TENM2: variants seen among roughly 807,000 people sequenced by gnomAD.
TENM2 encodes teneurin transmembrane protein 2.
In TENM2, 52 loss-of-function variants were observed where a neutral mutation model predicts 245.2. The observed-to-expected ratio is 0.21, with a 90% CI of 0.17 to 0.27. The LOEUF is 0.27. Among genes scored for constraint, TENM2 ranks in the 10% least tolerant of loss-of-function variants. The probability of loss-of-function intolerance (pLI) is 1.00; values close to 1 mark genes in which losing one functional copy is unlikely to be tolerated. For missense variants in TENM2, 3,046 were observed against 3,666.8 expected (o/e 0.83, Z 4.37); for synonymous variants, 1,363 against 1,438.9 (o/e 0.95, Z 1.19).
chr5:168,192,121 A>T lies in TENM2; in HGVS notation c.2780+1574A>T, dbSNP rs545138382. Among the ~76,000 whole-genome samples the T allele has an allele frequency of 3.3e-5, 5 of 152,348 alleles. No individual in the cohort carries two copies. In the South Asian group the frequency reaches 6.2e-4, roughly 19 times the overall value. On this transcript the variant is annotated intron_variant, in intron 14 of 28. Transcript: ENST00000518659. The stretch of plus-strand genomic sequence containing the variant: ...CCTCATTTTCTTGATTAATAAAATT[A>T]GGATAACACTATTTAAATACGTAAA...
At chr5:167,264,262 A>C in the TENM2 span, among the ~76,000 whole-genome samples, 1 of 152,152 alleles carries the variant, frequency 6.6e-6, no homozygotes, top group African/African-American at 2.4e-5. Context: ...AGGAATCAAA[A>C]GACTGGTATT....
intron 2 of TENM2, among the ~76,000 whole-genome samples, chr5:167,797,424 A>G (rs1436920764): frequency 6.6e-6 from 1 of 152,162 alleles, no homozygotes; most frequent in African/African-American, 2.4e-5. Flanking sequence ...CATTTAGGGA[A>G]CTTCTTGTTT....
the TENM2 span, among the ~76,000 whole-genome samples, chr5:167,193,550 T>G: frequency 6.6e-6 from 1 of 151,982 alleles, no homozygotes; most frequent in African/African-American, 2.4e-5. Flanking sequence ...GCTTCTCTAT[T>G]TTTTACATAA....
At chr5:168,040,572 A>C in intron 5 of TENM2, among the ~76,000 whole-genome samples, 1 of 152,204 alleles carries the variant, frequency 6.6e-6, no homozygotes, top group East Asian at 1.9e-4. Flanking sequence ...AATAGGAGAA[A>C]TCACTTCACC....
chr5:167,753,987 G>A (rs1582917941), intron 2 of TENM2, among the ~76,000 whole-genome samples: 1 of 152,048 alleles, frequency 6.6e-6, no homozygotes, highest in East Asian at 1.9e-4. Context: ...ACAGTATATG[G>A]AGTTGGGATG....
Position 168,062,337 on chromosome 5 carries a change from C to T in TENM2, c.1515+72C>T, listed in dbSNP as rs987627726. The T allele has an allele frequency of 5.2e-6, 6 of 1,160,824 alleles. No homozygotes were observed. The Admixed American group carries it at 1.2e-4, about 23-fold the overall frequency. The allele number at this position is 1,160,824 out of a possible 1,614,324, so 71.9% of individuals were successfully genotyped here. The stretch of plus-strand genomic sequence containing the variant: ...TATATATGTGTGTGTGTATATATGC[C>T]ACTTCACATCCACTACAATGCCTAT... On this transcript the variant is annotated intron_variant, in intron 7 of 28. Coordinates refer to ENST00000518659, the Ensembl canonical transcript of TENM2.
chr5:167,654,284 T>C (rs1293589752), intron 2 of TENM2, among the ~76,000 whole-genome samples: 1 of 152,100 alleles, frequency 6.6e-6, no homozygotes, highest in Non-Finnish European at 1.5e-5. Flanking sequence ...TCTTTAAAGC[T>C]CTTCATTGGC....
intron 2 of TENM2, among the ~76,000 whole-genome samples, chr5:167,560,180 T>A (rs568848545): frequency 1.4e-4 from 22 of 152,288 alleles, no homozygotes; most frequent in African/African-American, 5.3e-4. Context: ...CCAGTCCACA[T>A]CTACTGAATC....
chr5:167,450,143 C>T (rs1370824772), intron 2 of TENM2, among the ~76,000 whole-genome samples: 1 of 151,252 alleles, frequency 6.6e-6, no homozygotes, highest in East Asian at 2.0e-4. Flanking sequence ...TAAATATTAT[C>T]TCTCTTCTTT....
intron 5 of TENM2, among the ~76,000 whole-genome samples, chr5:168,004,388 G>A (rs985373019): frequency 1.2e-4 from 18 of 152,166 alleles, no homozygotes; most frequent in African/African-American, 4.3e-4. Flanking sequence ...GTGGAACAGG[G>A]TCTGGTCTAG....
the TENM2 span, among the ~76,000 whole-genome samples, chr5:167,095,872 G>C: frequency 6.6e-6 from 1 of 150,848 alleles, no homozygotes; most frequent in South Asian, 2.1e-4. Flanking sequence ...CTGGGTTCAA[G>C]TGATTCTCCT....
At chr5:168,089,864 A>G (rs1792772332) in intron 7 of TENM2, among the ~76,000 whole-genome samples, 3 of 152,188 alleles carry the variant, frequency 2.0e-5, no homozygotes, top group Admixed American at 6.6e-5. Context: ...GGCACTGTCT[A>G]AATATTATCT....
chr5:168,007,134 T>G (rs1233895455), intron 5 of TENM2, among the ~76,000 whole-genome samples: 1 of 149,636 alleles, frequency 6.7e-6, no homozygotes, highest in East Asian at 1.9e-4. Flanking sequence ...TTTTCTTTCT[T>G]TTTTTTTTTT....
At chr5:167,092,135 A>G in the TENM2 span, among the ~76,000 whole-genome samples, 1 of 152,180 alleles carries the variant, frequency 6.6e-6, no homozygotes, top group African/African-American at 2.4e-5. Flanking sequence ...TGTGTGGTCC[A>G]TGAGCTAAGG....
the TENM2 span, among the ~76,000 whole-genome samples, chr5:167,248,335 C>T: frequency 2.6e-5 from 4 of 152,066 alleles, no homozygotes; most frequent in Admixed American, 6.6e-5. Flanking sequence ...TGTGAGTGTG[C>T]GTTGTGCTGA....
chr5:167,368,273 A>G lies in TENM2; in HGVS notation c.227-6925A>G, dbSNP rs137880720. Among the ~76,000 whole-genome samples the G allele has an allele frequency of 3.6e-3, 541 of 152,290 alleles. 3 individuals are homozygous for G. Among genetic ancestry groups the G allele is most frequent in the Non-Finnish European group, 6.1e-3 (418 of 68,010 alleles). On this transcript the variant is annotated intron_variant, in intron 1 of 28. Coordinates refer to ENST00000518659, the Ensembl canonical transcript of TENM2. Reference sequence around the variant, plus strand: ...CAGTTTAAATTTAATATTATTCACTATTTGAATGATGCATATTTTTTTTCA... The same window carrying G: ...CAGTTTAAATTTAATATTATTCACTGTTTGAATGATGCATATTTTTTTTCA...
chr5:167,201,573 A>G, the TENM2 span, among the ~76,000 whole-genome samples: 1 of 152,182 alleles, frequency 6.6e-6, no homozygotes, highest in Non-Finnish European at 1.5e-5. Context: ...TGTAATGGGT[A>G]CGAGCTCACT....
At chr5:167,446,434 A>G (rs1031526432) in intron 2 of TENM2, among the ~76,000 whole-genome samples, 1 of 152,096 alleles carries the variant, frequency 6.6e-6, no homozygotes, top group African/African-American at 2.4e-5. Flanking sequence ...TCCTTCATCT[A>G]GTTTGGAAAG....
chr5:167,805,378 G>C (rs969401587), intron 2 of TENM2, among the ~76,000 whole-genome samples: 1 of 152,178 alleles, frequency 6.6e-6, no homozygotes, highest in African/African-American at 2.4e-5. Context: ...AAAAGGTTCA[G>C]ACGCCTGTGT....
Sources: gnomAD v4.1 joint callset for allele counts (sites outside exome capture counted in the v4.1 genomes callset) on GRCh38, gnomAD v4.1.1 for gene constraint, MANE v1.5 for transcripts, NCBI Gene and HGNC (gene_info 2026-07-23, HGNC 2026-07-21) for gene names.